The following PCDHGB7 variants were observed in gnomAD, a reference collection of about 807,000 sequenced individuals.
The protein encoded by PCDHGB7 is protocadherin gamma subfamily B, 7.
PCDHGB7 carries 37 observed loss-of-function variants against 61.4 expected under a neutral mutation model. The ratio of observed to expected loss-of-function variants is 0.60; its 90% CI spans 0.46 to 0.79. The LOEUF (loss-of-function observed/expected upper bound fraction) is 0.79, where lower values mean the gene tolerates loss of function less well. Among genes scored for constraint, PCDHGB7 ranks in the 30% least tolerant of loss-of-function variants. The pLI is 0.00. For missense variants in PCDHGB7, 1,166 were observed against 1,202.5 expected (o/e 0.97, Z 0.45); for synonymous variants, 464 against 503.5 (o/e 0.92, Z 1.05).
chr5:141,428,794 T>C (rs2097161574), intron 1 of PCDHGB7: 1 of 152,852 alleles, frequency 6.5e-6, no homozygotes, highest in African/African-American at 2.4e-5. Context: ...CCTTTCTGTG[T>C]GGGCCAGTAA....
intron 1 of PCDHGB7, among the ~76,000 whole-genome samples, chr5:141,439,532 C>T (rs1030997598): frequency 6.6e-6 from 1 of 152,202 alleles, no homozygotes; most frequent in Admixed American, 6.5e-5. Context: ...CTACAGAACG[C>T]TGTCCTCTCA....
intron 2 of PCDHGB7, 36 bp from the exon 3 acceptor site, chr5:141,505,357 T>A (rs1026098450): frequency 6.2e-7 from 1 of 1,613,762 alleles, no homozygotes; most frequent in African/African-American, 1.3e-5. Context: ...TGTGCCGGCC[T>A]GGGAGTCTGT....
chr5:141,428,536 A>G (rs981530261), intron 1 of PCDHGB7: 1 of 273,778 alleles, frequency 3.7e-6, no homozygotes, highest in Non-Finnish European at 7.2e-6. Flanking sequence ...TTTTCTCACC[A>G]TGACACCAGA....
intron 1 of PCDHGB7, among the ~76,000 whole-genome samples, chr5:141,466,225 C>A (rs925594512): frequency 2.0e-5 from 3 of 152,028 alleles, no homozygotes; most frequent in Admixed American, 6.6e-5. Flanking sequence ...GGCTGGAGTG[C>A]AGTGGCACCA....
intron 1 of PCDHGB7, among the ~76,000 whole-genome samples, chr5:141,451,788 A>C (rs531473040): frequency 6.6e-6 from 1 of 152,140 alleles, no homozygotes; most frequent in African/African-American, 2.4e-5. Flanking sequence ...GGCTGAGGCC[A>C]GAGAATTGCT....
At chr5:141,447,773 T>C (rs2098551408) in intron 1 of PCDHGB7, among the ~76,000 whole-genome samples, 1 of 152,202 alleles carries the variant, frequency 6.6e-6, no homozygotes, top group African/African-American at 2.4e-5. Context: ...AATTATACTT[T>C]AATTGAAAAT....
chr5:141,489,293 T>G lies in PCDHGB7; in HGVS notation c.2416-5514T>G. The G allele has an allele frequency of 6.3e-7, 1 of 1,579,940 alleles. No homozygotes were observed. Among genetic ancestry groups the G allele is most frequent in the Non-Finnish European group, 8.6e-7 (1 of 1,162,928 alleles). ...GCTGGGAAATGGCAAGTGCTGTGCA[T>G]GTTGTCCTTGTGCTGCTGGGGCTGG... On this transcript the variant is annotated intron_variant, in intron 1 of 3. Transcript: ENST00000398594. This position sits in a 1 kb window ranked among gnomAD's most constrained non-coding sequence, Gnocchi z 4.5.
At chr5:141,483,224 G>A (rs530779494) in intron 1 of PCDHGB7, among the ~76,000 whole-genome samples, 17 of 152,242 alleles carry the variant, frequency 1.1e-4, no homozygotes, top group Middle Eastern at 3.4e-3. Flanking sequence ...AGTCACTGCA[G>A]AAATTTGAAC....
At chr5:141,443,662 C>A (rs1427397469) in intron 1 of PCDHGB7, among the ~76,000 whole-genome samples, 2 of 152,178 alleles carry the variant, frequency 1.3e-5, no homozygotes, top group African/African-American at 4.8e-5. Context: ...TAGCATTTTA[C>A]TGAACTAGTA....
rs200686404 is a variant in PCDHGB7 at position 141,477,185 on chromosome 5, G to A, written c.2416-17622G>A. On this transcript the variant is annotated intron_variant, in intron 1 of 3. Transcript: ENST00000398594. The surrounding 1 kb of genome is among the most constrained non-coding windows in gnomAD (Gnocchi z 4.9). ...CGCCCCGGAGATCACAGTCACCTCCGTGTACAGCCCAGTACCCGAGGATGC... is the reference window on the plus strand; with the variant it reads ...CGCCCCGGAGATCACAGTCACCTCCATGTACAGCCCAGTACCCGAGGATGC... 1.2e-6 allele frequency: 2 copies of A among 1,614,210 alleles called. No individual in the cohort carries two copies. Among genetic ancestry groups the A allele is most frequent in the South Asian group, 1.1e-5 (1 of 91,084 alleles).
At position 141,490,044 on chromosome 5, in the gene PCDHGB7, T is replaced by C; in HGVS notation, c.2416-4763T>C. The C allele has an allele frequency of 1.2e-6, 2 of 1,614,192 alleles. No individual in the cohort carries two copies. Among genetic ancestry groups the C allele is most frequent in the Non-Finnish European group, 1.7e-6 (2 of 1,180,024 alleles). The stretch of plus-strand genomic sequence containing the variant: ...TGCTGCTCCGCCTCAATGCCACTGA[T>C]CCAGACGAGGGCACCAACGGCCAAC... On this transcript the variant is annotated intron_variant, in intron 1 of 3. Transcript: ENST00000398594. The surrounding 1 kb of genome is among the most constrained non-coding windows in gnomAD (Gnocchi z 5.4).
rs2099695548 is a variant in PCDHGB7, at chr5:141,490,059, C to T, written c.2416-4748C>T. On this transcript the variant is annotated intron_variant, in intron 1 of 3. Coordinates refer to ENST00000398594, the MANE Select transcript of PCDHGB7 (RefSeq NM_018927.4). The surrounding 1 kb of genome is among the most constrained non-coding windows in gnomAD (Gnocchi z 5.4). ...ATGCCACTGATCCAGACGAGGGCAC[C>T]AACGGCCAACTAGACTATTCTTTTG... 1.2e-6 allele frequency: 2 copies of T among 1,614,242 alleles called. No individual in the cohort carries two copies. The highest frequency in any genetic ancestry group is 1.7e-6 in the Non-Finnish European group (2 of 1,180,030).
At chr5:141,459,735 T>A (rs114520602) in intron 1 of PCDHGB7, among the ~76,000 whole-genome samples, 1 of 152,374 alleles carries the variant, frequency 6.6e-6, no homozygotes, top group Non-Finnish European at 1.5e-5. Flanking sequence ...GTCAATTTTT[T>A]AAATTTTAGC....
At position 141,491,725 on chromosome 5, in the gene PCDHGB7, G is replaced by A. The variant is rs1008933711; in HGVS notation, c.2416-3082G>A. The A allele has an allele frequency of 6.2e-7, 1 of 1,606,496 alleles. No homozygotes were observed. The highest frequency in any genetic ancestry group is 1.3e-5 in the African/African-American group (1 of 74,728). On this transcript the variant is annotated intron_variant, in intron 1 of 3. Coordinates refer to ENST00000398594, the MANE Select transcript of PCDHGB7 (RefSeq NM_018927.4). The surrounding 1 kb of genome is among the most constrained non-coding windows in gnomAD (Gnocchi z 6.9). ...GGTGAGGGGCTCGGCGCCGCCCCGGGCGACCCCTGGGGGCGGCACTGGAGA... is the reference window on the plus strand; with the variant it reads ...GGTGAGGGGCTCGGCGCCGCCCCGGACGACCCCTGGGGGCGGCACTGGAGA...
intron 1 of PCDHGB7, among the ~76,000 whole-genome samples, chr5:141,494,512 C>T (rs2154591503): frequency 6.6e-6 from 1 of 152,276 alleles, no homozygotes; most frequent in Middle Eastern, 3.4e-3. Context: ...AATTTTGGCT[C>T]AGGAGTTCTG....
At chr5:141,446,102 A>C (rs751362645) in intron 1 of PCDHGB7, among the ~76,000 whole-genome samples, 1 of 152,214 alleles carries the variant, frequency 6.6e-6, no homozygotes, top group Non-Finnish European at 1.5e-5. Context: ...TGAATTATAG[A>C]TATATTTAGG....
rs1004176028 is a variant in PCDHGB7 at position 141,477,025 on chromosome 5, G to A, written c.2416-17782G>A. On this transcript the variant is annotated intron_variant, in intron 1 of 3. Transcript: ENST00000398594. This position sits in a 1 kb window ranked among gnomAD's most constrained non-coding sequence, Gnocchi z 4.9. ...TCGCCTTAGACCTTGTAACCGGGATGCTGACAATCAAGGGTCGGCTGGACT... is the reference window on the plus strand; with the variant it reads ...TCGCCTTAGACCTTGTAACCGGGATACTGACAATCAAGGGTCGGCTGGACT... 10 of 1,614,146 alleles carry A rather than the reference G, an allele frequency of 6.2e-6. No homozygotes were observed. Among genetic ancestry groups the A allele is most frequent in the East Asian group, 2.2e-5 (1 of 44,888 alleles).
At chr5:141,421,238 G>A (rs920128735) in intron 1 of PCDHGB7, 1 of 1,597,540 alleles carries the variant, frequency 6.3e-7, no homozygotes, top group African/African-American at 1.3e-5. Context: ...ATGGCGAATC[G>A]GCTACAGCGC....
chr5:141,506,870 G>A (rs2099856877), intron 3 of PCDHGB7, among the ~76,000 whole-genome samples: 1 of 152,166 alleles, frequency 6.6e-6, no homozygotes, highest in East Asian at 1.9e-4. Flanking sequence ...GGTGGGTAGA[G>A]AACCAGGTGA....
Sources: allele counts gnomAD v4.1 joint callset (sites outside exome capture counted in the v4.1 genomes callset), GRCh38; gene constraint gnomAD v4.1.1; non-coding constraint Gnocchi (gnomAD v3.1); transcripts MANE v1.5; gene names NCBI Gene and HGNC (gene_info 2026-07-23, HGNC 2026-07-21).